The following HACE1 variants were observed in gnomAD, a reference collection of about 807,000 sequenced individuals.
The protein encoded by HACE1 is E3 ubiquitin-protein ligase HACE1.
A neutral mutation model predicts 118.4 loss-of-function variants in HACE1; 73 were observed. That is an observed-to-expected ratio of 0.62 (90% confidence interval 0.51 to 0.75). The LOEUF (loss-of-function observed/expected upper bound fraction) is 0.75, where lower values mean the gene tolerates loss of function less well. HACE1 is among the 30% of genes least tolerant of loss of function. The pLI, the probability that HACE1 is intolerant of heterozygous loss-of-function variation, is 0.00. For synonymous variants in HACE1, 368 were observed against 374.8 expected, an observed-to-expected ratio of 0.98 and a Z score of 0.21; for missense variants, 749 against 1,102.2, an observed-to-expected ratio of 0.68 and a Z score of 4.54.
Position 104,812,952 on chromosome 6 carries a change from G to A in HACE1, c.535-1559C>T. 1.4e-5 allele frequency among the ~76,000 whole-genome samples: 2 copies of A among 140,770 alleles called. 1 individual carries two copies. The highest frequency in any genetic ancestry group is 4.3e-4 in the South Asian group (2 of 4,612). The allele number at this position is 140,770 out of a possible 152,430, so 92.4% of individuals were successfully genotyped here. On this transcript the variant is annotated intron_variant, in intron 6 of 23. Coordinates refer to ENST00000262903, the MANE Select transcript of HACE1 (RefSeq NM_020771.4). Reference sequence around the variant, plus strand: ...TCAGAAGATGGGAAGTTTATTCTCTGCACAAAGTGAACAGGGAGGCTCTGG... The same window carrying A: ...TCAGAAGATGGGAAGTTTATTCTCTACACAAAGTGAACAGGGAGGCTCTGG...
At chr6:104,749,674 G>C (rs1777829959) in intron 20 of HACE1, among the ~76,000 whole-genome samples, 1 of 151,920 alleles carries the variant, frequency 6.6e-6, no homozygotes, top group Non-Finnish European at 1.5e-5. Flanking sequence ...TTAAGATTTA[G>C]ACAACTCAAA....
At chr6:104,749,222 A>C (rs964655500) in intron 20 of HACE1, among the ~76,000 whole-genome samples, 1 of 152,166 alleles carries the variant, frequency 6.6e-6, no homozygotes. Context: ...TATTGCAGTC[A>C]GGTCTAATAA....
intron 6 of HACE1, among the ~76,000 whole-genome samples, chr6:104,821,991 T>G (rs1772766983): frequency 6.6e-6 from 1 of 152,056 alleles, no homozygotes; most frequent in African/African-American, 2.4e-5. Context: ...GAGGAGTGCT[T>G]GAGGCCAGGA....
chr6:104,801,331 G>A (rs1259857035), intron 7 of HACE1, among the ~76,000 whole-genome samples: 4 of 152,120 alleles, frequency 2.6e-5, no homozygotes, highest in African/African-American at 7.2e-5. Context: ...AACCTAGCAA[G>A]GCAAGCCAAC....
intron 6 of HACE1, among the ~76,000 whole-genome samples, chr6:104,816,535 C>T (rs770511186): frequency 3.3e-5 from 5 of 152,244 alleles, no homozygotes; most frequent in Non-Finnish European, 7.3e-5. Context: ...AAACCTCTGC[C>T]TAGATTTCAG....
At chr6:104,745,673 C>A (rs1340616534) in intron 20 of HACE1, among the ~76,000 whole-genome samples, 1 of 151,852 alleles carries the variant, frequency 6.6e-6, no homozygotes, top group Non-Finnish European at 1.5e-5. Context: ...AATCTCCTGA[C>A]CTTGTGATCC....
At chr6:104,736,852 T>C (rs1306881879) in intron 22 of HACE1, among the ~76,000 whole-genome samples, 1 of 152,066 alleles carries the variant, frequency 6.6e-6, no homozygotes, top group Non-Finnish European at 1.5e-5. Context: ...CTAAAAAAAA[T>C]AAGCAAAATG....
chr6:104,778,395 C>G (rs1781417392), intron 14 of HACE1, among the ~76,000 whole-genome samples: 1 of 151,758 alleles, frequency 6.6e-6, no homozygotes, highest in Non-Finnish European at 1.5e-5. Context: ...TATATAATAT[C>G]AATTTCTCAA....
chr6:104,843,713 T>C (rs1001858157), intron 4 of HACE1, among the ~76,000 whole-genome samples: 2 of 152,154 alleles, frequency 1.3e-5, no homozygotes, highest in African/African-American at 4.8e-5. Context: ...ATTTAAAACA[T>C]AACACTAAGA....
intron 22 of HACE1, among the ~76,000 whole-genome samples, chr6:104,739,686 A>G (rs1195386702): frequency 1.3e-5 from 2 of 151,810 alleles, no homozygotes; most frequent in African/African-American, 4.8e-5. Flanking sequence ...AGTGACCTAC[A>G]AAGAGACTTA....
chr6:104,828,217 A>C (rs1224616093), intron 6 of HACE1, among the ~76,000 whole-genome samples: 3 of 152,088 alleles, frequency 2.0e-5, no homozygotes, highest in African/African-American at 7.2e-5. Context: ...CAACTTGCTA[A>C]AACTGAAATT....
intron 6 of HACE1, among the ~76,000 whole-genome samples, chr6:104,818,717 G>T (rs1772369407): frequency 6.6e-6 from 1 of 152,058 alleles, no homozygotes; most frequent in Non-Finnish European, 1.5e-5. Context: ...AGGATGCAAG[G>T]TTGGTTCAAC....
chr6:104,791,653 G>T lies in HACE1; in HGVS notation c.925C>A (p.Leu309Ile). Residue 309 changes from leucine to isoleucine, a missense_variant and splice_region_variant, in exon 11 of 24, where the codon CTC becomes ATC. Transcript: ENST00000262903. ...ATTTGAGCATCATAATTGCTAGAGA[G>T]GCTGAAAATAAAAATTAAAATATGA... Reference protein sequence around the residue: ...ATTNGHKLLSLSSNYDAQMKS... With the variant: ...ATTNGHKLLSISSNYDAQMKS... 6.3e-7 allele frequency: 1 copy of T among 1,597,434 alleles called. No homozygotes were observed. The highest frequency in any genetic ancestry group is 8.6e-7 in the Non-Finnish European group (1 of 1,165,684).
intron 5 of HACE1, chr6:104,842,421 T>A (rs986716892): frequency 6.6e-6 from 1 of 151,492 alleles, no homozygotes; most frequent in South Asian, 2.1e-4. Flanking sequence ...CTGGCCAACG[T>A]GGTGAAACCC....
At chr6:104,735,423 G>A (rs62419339) in intron 22 of HACE1, among the ~76,000 whole-genome samples, 2 of 152,224 alleles carry the variant, frequency 1.3e-5, no homozygotes, top group South Asian at 4.1e-4. Flanking sequence ...ACAAGGTCAG[G>A]AGATCGAGAC....
chr6:104,786,547 T>A (rs535044755), intron 11 of HACE1: 2 of 146,436 alleles, frequency 1.4e-5, no homozygotes, highest in South Asian at 2.1e-4. Flanking sequence ...AAGGCTACAG[T>A]GAGCTGTGAT....
chr6:104,852,475 G>T, intron 1 of HACE1, 104 bp from the exon 2 acceptor site: 1 of 716,690 alleles, frequency 1.4e-6, no homozygotes, highest in Non-Finnish European at 2.5e-6. Context: ...AAAGCGAAAA[G>T]GAGAGGAAGA....
intron 22 of HACE1, among the ~76,000 whole-genome samples, chr6:104,732,831 A>AT (rs1477771915): frequency 1.3e-5 from 2 of 152,156 alleles, no homozygotes; most frequent in African/African-American, 4.8e-5. Context: ...AAAAACAGCA[A>AT]TTTTCTCTTC....
At position 104,772,162 on chromosome 6, in the gene HACE1, C is replaced by A. The variant is rs537560923; in HGVS notation, c.1865-88G>T. 6.1e-5 allele frequency: 45 copies of A among 738,716 alleles called. 2 individuals are homozygous for A. The highest frequency in any genetic ancestry group is 6.7e-4 in the Middle Eastern group (2 of 3,000). The allele number at this position is 738,716 out of a possible 1,614,324, so 45.8% of individuals were successfully genotyped here. A position where few individuals can be genotyped will look rare whatever the true frequency, so the allele number is the denominator to read the frequency against. ...CGATGCAGATAAACTAATTCACATACAACTTCAGCAAAGCTAAGGTTACAT... is the reference window on the plus strand; with the variant it reads ...CGATGCAGATAAACTAATTCACATAAAACTTCAGCAAAGCTAAGGTTACAT... On this transcript the variant is annotated intron_variant, in intron 17 of 23. Coordinates refer to ENST00000262903, the MANE Select transcript of HACE1 (RefSeq NM_020771.4).
Sources: gnomAD v4.1 joint callset for allele counts (sites outside exome capture counted in the v4.1 genomes callset) on GRCh38, gnomAD v4.1.1 for gene constraint, MANE v1.5 for transcripts, NCBI Gene and HGNC (gene_info 2026-07-23, HGNC 2026-07-21) for gene names.